Variants in PROKR1 observed in about 807,000 individuals in gnomAD.
PROKR1 encodes the protein prokineticin receptor 1, also known as G protein-coupled receptor 73.
Under a neutral mutation model 22.8 loss-of-function variants are expected in PROKR1, and 21 were observed. The observed-to-expected ratio is 0.92, with a 90% confidence interval of 0.65 to 1.32. The LOEUF (loss-of-function observed/expected upper bound fraction) is 1.32. PROKR1 is among the 40% of genes most tolerant of loss of function. The probability of loss-of-function intolerance (pLI) is 0.00; values close to 1 mark genes in which losing one functional copy is unlikely to be tolerated. For missense variants in PROKR1, 548 were observed against 514.2 expected, an observed-to-expected ratio of 1.07 and a Z score of -0.64; for synonymous variants, 193 against 207.5, an observed-to-expected ratio of 0.93 and a Z score of 0.60.
Position 68,645,792 on chromosome 2 carries a change from G to A in PROKR1, c.-30G>A. On this transcript the variant is annotated 5_prime_UTR_variant, in exon 2 of 3. Coordinates refer to ENST00000303786, the MANE Select transcript of PROKR1 (RefSeq NM_138964.4). ...CAGACATTGCCCTGGGGAATTCTGA[G>A]CAGTGTTGCTCACAGCACCACCTGG... 3.1e-6 allele frequency: 5 copies of A among 1,614,156 alleles called. No homozygotes were observed. Among genetic ancestry groups the A allele is most frequent in the Non-Finnish European group, 4.2e-6 (5 of 1,180,030 alleles).
chr2:68,643,879 T>A (rs943467015), intron 1 of PROKR1, 31 bp downstream of exon 1: 8 of 152,290 alleles, frequency 5.3e-5, no homozygotes. Flanking sequence ...GGGAGGATGC[T>A]CCAGGGACCC....
chr2:68,655,963 T>C lies in PROKR1; in HGVS notation c.*387T>C, dbSNP rs1224915726. ...TACATGTGTTCGTAGTGTGAGAGTA[T>C]CTCTGGGACTATTCTTGCACTGGAC... On this transcript the variant is annotated 3_prime_UTR_variant, in exon 3 of 3. Transcript: ENST00000303786. 3.2e-6 allele frequency: 1 copy of C among 316,014 alleles called. No individual in the cohort carries two copies. The highest frequency in any genetic ancestry group is 4.7e-5 in the Admixed American group (1 of 21,208). 19.6% of individuals were successfully genotyped at this position (316,014 alleles called of 1,614,324 possible). A position where few individuals can be genotyped will look rare whatever the true frequency, so the allele number is the denominator to read the frequency against.
intron 2 of PROKR1, among the ~76,000 whole-genome samples, chr2:68,651,485 A>T (rs1438680817): frequency 1.3e-5 from 2 of 152,170 alleles, no homozygotes; most frequent in African/African-American, 4.8e-5. Context: ...GCTCCAGAGA[A>T]CTTCTCTTTT....
rs144018404 is a variant in PROKR1 at position 68,655,413 on chromosome 2, T to A, written c.1019T>A (p.Leu340Gln). 9.7e-4 allele frequency: 1,558 copies of A among 1,614,192 alleles called. 3 individuals are homozygous for A. The highest frequency in any genetic ancestry group is 1.3e-3 in the Non-Finnish European group (1,501 of 1,179,992). Residue 340 changes from leucine (L) to glutamine (Q), a missense_variant, in exon 3 of 3, where the codon CTG (leucine) becomes CAG (glutamine). Coordinates refer to ENST00000303786, the MANE Select transcript of PROKR1 (RefSeq NM_138964.4). The stretch of plus-strand genomic sequence containing the variant: ...ATGAGCAACAGCATGATCAACACTC[T>A]GTGCTTCGTGACCGTCAAGAACGAC... ...IAMSNSMINT[L>Q]CFVTVKNDTV...
At chr2:68,644,119 G>T (rs1463202605) in intron 1 of PROKR1, among the ~76,000 whole-genome samples, 1 of 152,224 alleles carries the variant, frequency 6.6e-6, no homozygotes, top group Non-Finnish European at 1.5e-5. Context: ...GTGGGGGTAG[G>T]ATTGGGGTTC....
chr2:68,648,158 T>C (rs557449633), intron 2 of PROKR1, among the ~76,000 whole-genome samples: 25 of 152,220 alleles, frequency 1.6e-4, no homozygotes, highest in African/African-American at 5.5e-4. Context: ...GGGACCCTAC[T>C]CCCCGGATGA....
intron 2 of PROKR1, among the ~76,000 whole-genome samples, chr2:68,650,546 G>A (rs965184448): frequency 3.9e-5 from 6 of 152,082 alleles, no homozygotes; most frequent in Non-Finnish European, 7.4e-5. Context: ...CTTTTTACAT[G>A]TCTATTCACC....
At chr2:68,650,446 AG>A (rs1277245397) in intron 2 of PROKR1, among the ~76,000 whole-genome samples, 1 of 152,190 alleles carries the variant, frequency 6.6e-6, no homozygotes, top group Non-Finnish European at 1.5e-5. Context: ...TATGCTGCCC[AG>A]GCTAGTCTTG....
Position 68,645,965 on chromosome 2 carries a change from A to G in PROKR1, c.144A>G (p.Glu48=), listed in dbSNP as rs1233626677. The change falls in exon 2 of 3, where the codon GAA becomes GAG. Residue 48 remains glutamate (E), a synonymous_variant. Coordinates refer to ENST00000303786, the MANE Select transcript of PROKR1 (RefSeq NM_138964.4). The stretch of plus-strand genomic sequence containing the variant: ...GCGACTATGATATGCCTTTGGATGA[A>G]GATGAGGATGTGACCAATTCCAGGA... ...SYSDYDMPLD[E]DEDVTNSRTF... The G allele has an allele frequency of 2.5e-6, 4 of 1,614,104 alleles. No homozygotes were observed. In the Admixed American group the frequency reaches 6.7e-5, roughly 27 times the overall value.
chr2:68,644,141 G>C (rs1673124062), intron 1 of PROKR1, among the ~76,000 whole-genome samples: 1 of 152,204 alleles, frequency 6.6e-6, no homozygotes, highest in Non-Finnish European at 1.5e-5. Context: ...CCTCTGAACG[G>C]TGAGAATAAA....
Position 68,658,012 on chromosome 2 carries a change from T to A in PROKR1, c.*2436T>A, listed in dbSNP as rs1230630424. 1 of 152,224 alleles carries A rather than the reference T, an allele frequency of 6.6e-6. No individual in the cohort carries two copies. The highest frequency in any genetic ancestry group is 1.5e-5 in the Non-Finnish European group (1 of 68,036). The allele number at this position is 152,224 out of a possible 1,614,324, so 9.4% of individuals were successfully genotyped here. On this transcript the variant is annotated 3_prime_UTR_variant, in exon 3 of 3. Coordinates refer to ENST00000303786, the MANE Select transcript of PROKR1 (RefSeq NM_138964.4). ...TATTAAAAAGTTAAAAATGATACAATTTATTGTCATTATGTTCACCGCTTT... is the reference window on the plus strand; with the variant it reads ...TATTAAAAAGTTAAAAATGATACAAATTATTGTCATTATGTTCACCGCTTT...
chr2:68,655,255 G>A lies in PROKR1; in HGVS notation c.861G>A (p.Met287Ile), dbSNP rs1252815963. ...RCRRKTVLVLMCILTAYVLCW... is the reference protein window; with the variant it reads ...RCRRKTVLVLICILTAYVLCW... ...GCAGGAAGACGGTCCTGGTGCTCAT[G>A]TGCATCCTCACCGCCTACGTGCTAT... The change falls in exon 3 of 3, where the codon ATG (methionine) becomes ATA (isoleucine). Residue 287 changes from methionine (M) to isoleucine (I), a missense_variant. Physicochemically the swap from Met to Ile is conservative, Grantham distance 10. Transcript: ENST00000303786. 2 of 1,614,122 alleles carry A rather than the reference G, an allele frequency of 1.2e-6. No homozygotes were observed. The highest frequency in any genetic ancestry group is 1.6e-4 in the Middle Eastern group (1 of 6,084).
Position 68,655,532 on chromosome 2 carries a change from G to A in PROKR1, c.1138G>A (p.Gly380Arg). ...SSADLDLKTIGMPATEEVDCI... is the reference protein window; with the variant it reads ...SSADLDLKTIRMPATEEVDCI... Reference sequence around the variant, plus strand: ...TGCAGACCTGGACCTCAAGACAATTGGGATGCCTGCCACCGAAGAGGTGGA... The same window carrying A: ...TGCAGACCTGGACCTCAAGACAATTAGGATGCCTGCCACCGAAGAGGTGGA... Residue 380 changes from glycine to arginine, a missense_variant, in exon 3 of 3, where the codon GGG (glycine) becomes AGG (arginine). Gly to Arg is a moderately radical substitution (Grantham distance 125). Transcript: ENST00000303786. 6.2e-7 allele frequency: 1 copy of A among 1,614,172 alleles called. No homozygotes were observed. Among genetic ancestry groups the A allele is most frequent in the South Asian group, 1.1e-5 (1 of 91,076 alleles).
intron 2 of PROKR1, among the ~76,000 whole-genome samples, chr2:68,652,446 C>T (rs1673353470): frequency 6.6e-6 from 1 of 152,172 alleles, no homozygotes; most frequent in Non-Finnish European, 1.5e-5. Flanking sequence ...TCTTGCACAG[C>T]TCATGGCACT....
rs776381814 is a variant in PROKR1, at chr2:68,646,282, C to T, written c.461C>T (p.Ala154Val). 7 of 1,614,114 alleles carry T rather than the reference C, an allele frequency of 4.3e-6. No individual in the cohort carries two copies. In the South Asian group the frequency reaches 6.6e-5, roughly 15 times the overall value. Residue 154 changes from alanine to valine, a missense_variant, in exon 2 of 3, where the codon GCC becomes GTC. Physicochemically the swap from Ala to Val is moderately conservative, Grantham distance 64. Transcript: ENST00000303786. ...GTCTCTCTCTATGTCTCCACCAATG[C>T]CCTGCTGGCCATCGCCATTGACAGG... ...RTVSLYVSTN[A>V]LLAIAIDRYL...
rs1673301187 is a variant in PROKR1 at position 68,650,873 on chromosome 2, A to G, written c.486-4007A>G. On this transcript the variant is annotated intron_variant, in intron 2 of 2. Transcript: ENST00000303786. ...CAAATGAAGATCAACAAAGGAGAGG[A>G]AAGTTTTCCCAAGAGAGTGGGTAGA... is the stretch of plus-strand genomic sequence containing the variant. 2.0e-5 allele frequency among the ~76,000 whole-genome samples: 3 copies of G among 152,296 alleles called. No homozygotes were observed. In the South Asian group the frequency reaches 6.2e-4, roughly 32 times the overall value.
intron 2 of PROKR1, among the ~76,000 whole-genome samples, chr2:68,646,529 G>A (rs1673183133): frequency 6.6e-6 from 1 of 152,236 alleles, no homozygotes; most frequent in South Asian, 2.1e-4. Flanking sequence ...CTAGAGTTGG[G>A]TGATGGGAAG....
At chr2:68,652,594 T>G in intron 2 of PROKR1, among the ~76,000 whole-genome samples, 1 of 152,220 alleles carries the variant, frequency 6.6e-6, no homozygotes, top group East Asian at 1.9e-4. Flanking sequence ...GGAGAGGACT[T>G]GCAAATTGAG....
In PROKR1 at chr2:68,655,511, G is replaced by C; in HGVS notation, c.1117G>C (p.Asp373His). 6.2e-7 allele frequency: 1 copy of C among 1,614,268 alleles called. No homozygotes were observed. The highest frequency in any genetic ancestry group is 8.5e-7 in the Non-Finnish European group (1 of 1,180,050). ...TTACAATGGCGGTAAGTCCAGTGCA[G>C]ACCTGGACCTCAAGACAATTGGGAT... The part of the protein sequence containing the change: ...ASYNGGKSSA[D>H]LDLKTIGMPA... Residue 373 changes from aspartate (D) to histidine (H), a missense_variant, in exon 3 of 3, where the codon GAC becomes CAC. Asp to His is a moderately conservative substitution (Grantham distance 81). Coordinates refer to ENST00000303786, the MANE Select transcript of PROKR1 (RefSeq NM_138964.4).
Sources: gnomAD v4.1 joint callset for allele counts (sites outside exome capture counted in the v4.1 genomes callset) on GRCh38, gnomAD v4.1.1 for gene constraint, MANE v1.5 for transcripts, NCBI Gene and HGNC (gene_info 2026-07-23, HGNC 2026-07-21) for gene names.